PKD1: variants seen among roughly 807,000 people sequenced by gnomAD.
PKD1 encodes the protein polycystin 1, transient receptor potential channel interacting, also known as polycystin-1.
PKD1 carries 81 observed loss-of-function variants against 361.7 expected under a neutral mutation model. That is an observed-to-expected ratio of 0.22 (90% CI 0.19 to 0.27). The LOEUF (loss-of-function observed/expected upper bound fraction) is 0.27, where lower values mean the gene tolerates loss of function less well. Among genes scored for constraint, PKD1 ranks in the 10% least tolerant of loss-of-function variants. The pLI, the probability that PKD1 is intolerant of heterozygous loss-of-function variation, is 1.00. For missense variants in PKD1, 6,399 were observed against 6,118.3 expected (o/e 1.05, Z -1.53); for synonymous variants, 3,615 against 2,818.3 (o/e 1.28, Z -8.95).
In PKD1 at chr16:2,106,482, G is replaced by A. The variant is rs367918229; in HGVS notation, c.7405C>T (p.Arg2469Cys). The A allele has an allele frequency of 4.0e-5, 64 of 1,591,762 alleles. No individual in the cohort carries two copies. In the African/African-American group the frequency reaches 4.8e-4, roughly 12 times the overall value. ...CGGCAAGAGCCCCCCAGCGGCGGGC[G>A]GTTGGGGGACAGGCGGATGGAGGCG... ...GCASIRLSPNRPPLGGSCRLF... is the reference protein window; with the variant it reads ...GCASIRLSPNCPPLGGSCRLF... The change falls in exon 18 of 46, where the codon CGC becomes TGC. Residue 2469 changes from arginine (R) to cysteine (C), a missense_variant. Arg to Cys is a radical substitution (Grantham distance 180, BLOSUM62 -3). Coordinates refer to ENST00000262304, the MANE Select transcript of PKD1 (RefSeq NM_001009944.3). The surrounding 1 kb of genome is among the most constrained non-coding windows in gnomAD (Gnocchi z 6.5).
In PKD1 at chr16:2,128,896, C is replaced by G. The variant is rs146260167; in HGVS notation, c.215+6579G>C. Among the ~76,000 whole-genome samples the G allele has an allele frequency of 1.3e-3, 194 of 152,004 alleles. 1 individual carries two copies. Among genetic ancestry groups the G allele is most frequent in the African/African-American group, 4.4e-3 (181 of 41,458 alleles). ...TTTTTTTTTTTGAGACAGAGTCTCG[C>G]TCTGTTGACCAGGCTAGAGTGCAGT... On this transcript the variant is annotated intron_variant, in intron 1 of 45. Coordinates refer to ENST00000262304, the MANE Select transcript of PKD1 (RefSeq NM_001009944.3).
In PKD1 at chr16:2,110,181, G is replaced by A. The variant is rs1439534688; in HGVS notation, c.4986C>T (p.Val1662=). 2 of 1,611,170 alleles carry A rather than the reference G, an allele frequency of 1.2e-6. No individual in the cohort carries two copies. The highest frequency in any genetic ancestry group is 1.7e-6 in the Non-Finnish European group (2 of 1,179,788). The change falls in exon 15 of 46, where the codon GTC becomes GTT. Residue 1662 remains valine, a synonymous_variant. Coordinates refer to ENST00000262304, the MANE Select transcript of PKD1 (RefSeq NM_001009944.3). ...LQAVVRDGTN[V]SYSWTAWRDR... Reference sequence around the variant, plus strand: ...CCCTCCAGGCAGTCCAGCTGTAGGAGACGTTGGTGCCATCCCTAACCACGG... The same window carrying A: ...CCCTCCAGGCAGTCCAGCTGTAGGAAACGTTGGTGCCATCCCTAACCACGG...
chr16:2,093,144 A>G, intron 37 of PKD1, 51 bp from the exon 38 acceptor site: 1 of 1,606,234 alleles, frequency 6.2e-7, no homozygotes, highest in Non-Finnish European at 8.5e-7. Context: ...CCACAGTGAC[A>G]GCAGGGCTTT....
Position 2,099,883 on chromosome 16 carries a change from C to G in PKD1, c.9901G>C (p.Ala3301Pro). The part of the protein sequence containing the change: ...FLGANAVWYG[A>P]VGDSAYSTGH... ...CACCTGTAGGCAGAGTCGCCAACAG[C>G]CCCGTACCACACGGCGTTGGCGCCC... Residue 3301 changes from alanine to proline, a missense_variant, in exon 29 of 46, where the codon GCT becomes CCT. Ala to Pro is a conservative substitution (Grantham distance 27, BLOSUM62 -1). Coordinates refer to ENST00000262304, the MANE Select transcript of PKD1 (RefSeq NM_001009944.3). 1.3e-6 allele frequency: 2 copies of G among 1,566,780 alleles called. No homozygotes were observed. The highest frequency in any genetic ancestry group is 1.7e-6 in the Non-Finnish European group (2 of 1,157,176).
chr16:2,097,282 G>A (rs776901964), intron 33 of PKD1, 37 bp downstream of exon 33: 2 of 1,609,350 alleles, frequency 1.2e-6, no homozygotes, highest in Non-Finnish European at 1.7e-6. Context: ...AGCTGCAAGG[G>A]TGAGCTTCAG....
At chr16:2,107,033 A>C in intron 16 of PKD1, 85 bp from the exon 17 acceptor site, 1 of 1,328,508 alleles carries the variant, frequency 7.5e-7, no homozygotes, top group Non-Finnish European at 1.1e-6. Flanking sequence ...TGCTGCTCCC[A>C]AACTCCAGGT....
chr16:2,123,914 T>TG (rs2092760173), intron 1 of PKD1, among the ~76,000 whole-genome samples: 2 of 152,058 alleles, frequency 1.3e-5, no homozygotes, highest in South Asian at 4.2e-4. Context: ...TACACCCCCA[T>TG]GGGGGGCAGG....
rs112387277 is a variant in PKD1, at chr16:2,090,911, G to A, written c.11976C>T (p.Ala3992=). The change falls in exon 43 of 46, where the codon GCC becomes GCT. Residue 3992 remains alanine, a synonymous_variant. Transcript: ENST00000262304. ...TGACCAAAAGCAGGAAGAGCAGCGAGGCCGCCAGGCCACGGGCTGCGGAGC... is the reference window on the plus strand; with the variant it reads ...TGACCAAAAGCAGGAAGAGCAGCGAAGCCGCCAGGCCACGGGCTGCGGAGC... ...QLSSAARGLA[A]SLLFLLLVKA... 3.8e-6 allele frequency: 6 copies of A among 1,592,702 alleles called. No homozygotes were observed. Among genetic ancestry groups the A allele is most frequent in the South Asian group, 1.1e-5 (1 of 90,048 alleles).
rs1380196824 is a variant in PKD1, at chr16:2,090,001, G to A, written c.12638C>T (p.Ser4213Phe). 5.0e-6 allele frequency: 8 copies of A among 1,610,392 alleles called. No homozygotes were observed. Among genetic ancestry groups the A allele is most frequent in the South Asian group, 2.2e-5 (2 of 90,794 alleles). The change falls in exon 46 of 46, where the codon TCC becomes TTC. Residue 4213 changes from serine (S) to phenylalanine (F), a missense_variant. Transcript: ENST00000262304. ...RLGTRCEPEPSRLQAVFEALL... is the reference protein window; with the variant it reads ...RLGTRCEPEPFRLQAVFEALL... ...GGCCTCGAACACGGCTTGGAGGCGG[G>A]AGGGCTCAGGCTCACACCTTGTCCC...
chr16:2,123,511 C>T lies in PKD1; in HGVS notation c.216-4133G>A, dbSNP rs748268176. 5.3e-5 allele frequency: 24 copies of T among 456,340 alleles called. 1 individual carries two copies. Among genetic ancestry groups the T allele is most frequent in the South Asian group, 3.6e-4 (23 of 64,576 alleles). The allele number at this position is 456,340 out of a possible 1,614,324, so 28.3% of individuals were successfully genotyped here. On this transcript the variant is annotated intron_variant, in intron 1 of 45. Coordinates refer to ENST00000262304, the MANE Select transcript of PKD1 (RefSeq NM_001009944.3). The stretch of plus-strand genomic sequence containing the variant: ...TCACGTCTCCATCTGCTTTTGCCAT[C>T]GCCGTTCTGGGGGAACGCCAAGGCC...
chr16:2,090,775 A>G lies in PKD1; in HGVS notation c.12037T>C (p.Ser4013Pro), dbSNP rs1555444981. The G allele has an allele frequency of 1.2e-6, 2 of 1,612,590 alleles. No individual in the cohort carries two copies. The highest frequency in any genetic ancestry group is 1.7e-6 in the Non-Finnish European group (2 of 1,179,938). Residue 4013 changes from serine to proline, a missense_variant, in exon 44 of 46, where the codon TCC (serine) becomes CCC (proline). Coordinates refer to ENST00000262304, the MANE Select transcript of PKD1 (RefSeq NM_001009944.3). ...CGGCATAATGTCTTGCCAAAGACGG[A>G]CCACTGGCGCACGAAGCGTAGCTGC... ...AQQLRFVRQW[S>P]VFGKTLCRAL...
chr16:2,110,128 C>A lies in PKD1; in HGVS notation c.5039G>T (p.Gly1680Val). ...RDRGPALAGS[G>V]KGFSLTVLEA... ...GAGCACGGTGAGCGAGAAGCCTTTG[C>A]CGCTGCCGGCCAGGGCCGGGCCCCT... The change falls in exon 15 of 46, where the codon GGC becomes GTC. Residue 1680 changes from glycine (G) to valine (V), a missense_variant. Coordinates refer to ENST00000262304, the MANE Select transcript of PKD1 (RefSeq NM_001009944.3). 1 of 1,609,092 alleles carries A rather than the reference C, an allele frequency of 6.2e-7. No individual in the cohort carries two copies. The highest frequency in any genetic ancestry group is 8.5e-7 in the Non-Finnish European group (1 of 1,179,150).
Position 2,090,680 on chromosome 16 carries a change from G to C in PKD1, c.12132C>G (p.Ala4044=), listed in dbSNP as rs1804177. 9.9e-6 allele frequency: 16 copies of C among 1,612,000 alleles called. No individual in the cohort carries two copies. The highest frequency in any genetic ancestry group is 2.2e-5 in the East Asian group (1 of 44,886). ...VVLGVAYAQL[A]ILLVSSCVDS... is the part of the protein sequence containing the mutation. Reference sequence around the variant, plus strand: ...CGGCCGCGCAGTCACCTACCAGGATGGCCAGCTGGGCGTAGGCTACCCCGA... The same window carrying C: ...CGGCCGCGCAGTCACCTACCAGGATCGCCAGCTGGGCGTAGGCTACCCCGA... The change falls in exon 44 of 46, where the codon GCC becomes GCG. Residue 4044 remains alanine (A), a synonymous_variant. Coordinates refer to ENST00000262304, the MANE Select transcript of PKD1 (RefSeq NM_001009944.3).
At position 2,099,843 on chromosome 16, in the gene PKD1, G is replaced by A. The variant is rs751357166; in HGVS notation, c.9923+18C>T. The A allele has an allele frequency of 4.7e-5, 73 of 1,561,386 alleles. No individual in the cohort carries two copies. Among genetic ancestry groups the A allele is most frequent in the Admixed American group, 4.4e-4 (23 of 52,214 alleles). On this transcript the variant is annotated intron_variant, in intron 29 of 45. Coordinates refer to ENST00000262304, the MANE Select transcript of PKD1 (RefSeq NM_001009944.3). Reference sequence around the variant, plus strand: ...GGGCTGGGCAGGAAGAGGCTGCCCCGACCCCTACGGCACCCACCTGTAGGC... The same window carrying A: ...GGGCTGGGCAGGAAGAGGCTGCCCCAACCCCTACGGCACCCACCTGTAGGC...
At position 2,092,083 on chromosome 16, in the gene PKD1, G is replaced by C. The variant is rs770667157; in HGVS notation, c.11375C>G (p.Ser3792Trp). 6.2e-7 allele frequency: 1 copy of C among 1,612,848 alleles called. No individual in the cohort carries two copies. The highest frequency in any genetic ancestry group is 8.5e-7 in the Non-Finnish European group (1 of 1,179,994). Residue 3792 changes from serine to tryptophan, a missense_variant, in exon 40 of 46, where the codon TCG (serine) becomes TGG (tryptophan). By Grantham distance (177) the Ser-to-Trp change is radical. Transcript: ENST00000262304. ...CGGCGCTGAATAGGCCCACGTCCCC[G>C]AGCCATTGTGAGGACTCTCCCAGCC... ...DVGWESPHNG[S>W]GTWAYSAPDL... is the part of the protein sequence containing the mutation.
In PKD1 at chr16:2,106,285, A is replaced by C. The variant is rs2092332889; in HGVS notation, c.7509T>G (p.Asp2503Glu). The C allele has an allele frequency of 1.2e-6, 2 of 1,609,788 alleles. No individual in the cohort carries two copies. The highest frequency in any genetic ancestry group is 2.2e-5 in the South Asian group (2 of 90,968). Residue 2503 changes from aspartate (D) to glutamate (E), a missense_variant, in exon 19 of 46, where the codon GAT (aspartate) becomes GAG (glutamate). Physicochemically the swap from Asp to Glu is conservative, Grantham distance 45 (BLOSUM62 2). Coordinates refer to ENST00000262304, the MANE Select transcript of PKD1 (RefSeq NM_001009944.3). This position sits in a 1 kb window ranked among gnomAD's most constrained non-coding sequence, Gnocchi z 6.5. ...FECTGWHDAE[D>E]AGAPLVYALL... Reference sequence around the variant, plus strand: ...GGGCGTACACCAGCGGGGCGCCAGCATCCTCCGCGTCATGCCAGCCTGAGG... The same window carrying C: ...GGGCGTACACCAGCGGGGCGCCAGCCTCCTCCGCGTCATGCCAGCCTGAGG...
rs561630495 is a variant in PKD1, at chr16:2,088,872, T to TGCGC, written c.*851_*854dup. 1.2e-3 allele frequency: 605 copies of TGCGC among 500,478 alleles called. 6 individuals carry two copies. The highest frequency in any genetic ancestry group is 0.011 in the African/African-American group (506 of 47,688). The allele number at this position is 500,478 out of a possible 1,614,324, so 31.0% of individuals were successfully genotyped here. ...CTGGGCCATACAGCACACTCGCGCGTGCGCGCGCGCACACACACACACACA... is the reference window on the plus strand; with the variant it reads ...CTGGGCCATACAGCACACTCGCGCGTGCGCGCGCGCGCGCACACACACACACACA... On this transcript the variant is annotated 3_prime_UTR_variant, in exon 46 of 46. Coordinates refer to ENST00000262304, the MANE Select transcript of PKD1 (RefSeq NM_001009944.3).
chr16:2,102,486 G>C lies in PKD1; in HGVS notation c.9096C>G (p.Pro3032=), dbSNP rs751698447. The part of the protein sequence containing the change: ...DMVWRTEGLL[P]LEETSPRQAV... ...CCTGGCGGGGCGAGGTCTCCTCCAG[G>C]GGCAGCAGCCCCTCTGTCCGCCACA... The change falls in exon 25 of 46, where the codon CCC becomes CCG. Residue 3032 remains proline (P), a synonymous_variant. Coordinates refer to ENST00000262304, the MANE Select transcript of PKD1 (RefSeq NM_001009944.3). 1.3e-6 allele frequency: 2 copies of C among 1,574,176 alleles called. No homozygotes were observed. The highest frequency in any genetic ancestry group is 1.7e-6 in the Non-Finnish European group (2 of 1,161,896).
At position 2,090,932 on chromosome 16, in the gene PKD1, G is replaced by A. The variant is rs369544915; in HGVS notation, c.11955C>T (p.Ser3985=). 27 of 1,578,188 alleles carry A rather than the reference G, an allele frequency of 1.7e-5. No homozygotes were observed. The highest frequency in any genetic ancestry group is 1.2e-4 in the African/African-American group (9 of 74,510). ...GCGAGGCCGCCAGGCCACGGGCTGCGGAGCTCAGCTGCGCCACCTGGTCGA... is the reference window on the plus strand; with the variant it reads ...GCGAGGCCGCCAGGCCACGGGCTGCAGAGCTCAGCTGCGCCACCTGGTCGA... The part of the protein sequence containing the change: ...TSFDQVAQLS[S]AARGLAASLL... Residue 3985 remains serine, a synonymous_variant, in exon 43 of 46, where the codon TCC becomes TCT. Transcript: ENST00000262304.
Sources: allele counts gnomAD v4.1 joint callset (sites outside exome capture counted in the v4.1 genomes callset), GRCh38; gene constraint gnomAD v4.1.1; non-coding constraint Gnocchi (gnomAD v3.1); transcripts MANE v1.5; gene names NCBI Gene and HGNC (gene_info 2026-07-23, HGNC 2026-07-21).